SAMD5: variants seen among roughly 807,000 people sequenced by gnomAD.
The protein encoded by SAMD5 is sterile alpha motif domain containing 5, also known as sterile alpha motif domain-containing protein 5.
In SAMD5, 13 loss-of-function variants were observed where a neutral mutation model predicts 11.3. That is an observed-to-expected ratio of 1.15 (90% CI 0.75 to 1.83). SAMD5 has a LOEUF of 1.83. Ranked by LOEUF, SAMD5 falls within the 40% of genes most tolerant of loss-of-function variation. The pLI is 0.00. For missense variants in SAMD5, 255 were observed against 239.1 expected (o/e 1.07, Z -0.44); for synonymous variants, 129 against 111.3 (o/e 1.16, Z -1.00).
At chr6:147,518,261 A>C (rs1438131480) in intron 1 of SAMD5, among the ~76,000 whole-genome samples, 3 of 152,034 alleles carry the variant, frequency 2.0e-5, no homozygotes, top group Admixed American at 6.6e-5. Flanking sequence ...CTACGAAACT[A>C]CCACCTTATC....
chr6:147,865,762 A>G, the SAMD5 span, among the ~76,000 whole-genome samples: 1 of 152,180 alleles, frequency 6.6e-6, no homozygotes, highest in Non-Finnish European at 1.5e-5. Flanking sequence ...GGCAAAAGGA[A>G]AAAGAAAACT....
chr6:147,803,700 C>A, the SAMD5 span, among the ~76,000 whole-genome samples: 2 of 152,224 alleles, frequency 1.3e-5, no homozygotes, highest in Non-Finnish European at 2.9e-5. Context: ...TGTTAAGCAG[C>A]TTGCCCAAAG....
intron 1 of SAMD5, among the ~76,000 whole-genome samples, chr6:147,618,945 TGCAAAAACATA>T (rs1291135463): frequency 6.6e-6 from 1 of 152,252 alleles, no homozygotes; most frequent in Non-Finnish European, 1.5e-5. Flanking sequence ...TGGAATTCTT[TGCAAAAACATA>T]GCAAAAATGG....
chr6:147,854,661 A>G, the SAMD5 span, among the ~76,000 whole-genome samples: 1 of 152,228 alleles, frequency 6.6e-6, no homozygotes, highest in Non-Finnish European at 1.5e-5. Context: ...AGATAAAAAT[A>G]TTTGGTAAAA....
chr6:147,561,745 A>T (rs1788954206), intron 1 of SAMD5, among the ~76,000 whole-genome samples: 1 of 152,196 alleles, frequency 6.6e-6, no homozygotes, highest in South Asian at 2.1e-4. Flanking sequence ...CAAGCTTGTC[A>T]GAATTTTAAA....
chr6:147,762,932 T>TAATACTATTA, the SAMD5 span, among the ~76,000 whole-genome samples: 1 of 152,118 alleles, frequency 6.6e-6, no homozygotes, highest in Admixed American at 6.5e-5. Flanking sequence ...TATTCATTGG[T>TAATACTATTA]AGGATTTAAT....
chr6:147,684,008 C>G (rs1254659443), intron 1 of SAMD5, among the ~76,000 whole-genome samples: 2 of 152,094 alleles, frequency 1.3e-5, no homozygotes, highest in Non-Finnish European at 2.9e-5. Context: ...AAATCATGAA[C>G]ATACATCTTG....
the SAMD5 span, among the ~76,000 whole-genome samples, chr6:147,878,309 C>T: frequency 6.6e-6 from 1 of 151,766 alleles, no homozygotes; most frequent in African/African-American, 2.4e-5. Context: ...TGAGAGGGCT[C>T]TCTGGAGTCT....
At chr6:147,904,041 C>T in the SAMD5 span, among the ~76,000 whole-genome samples, 1 of 152,148 alleles carries the variant, frequency 6.6e-6, no homozygotes, top group Non-Finnish European at 1.5e-5. Flanking sequence ...TGTTGCTGTA[C>T]ATTCTCCACA....
chr6:147,940,202 A>ATT, the SAMD5 span, among the ~76,000 whole-genome samples: 500 of 133,178 alleles, frequency 3.8e-3, 5 homozygotes, highest in Non-Finnish European at 5.9e-3. Flanking sequence ...GGCAGAATTC[A>ATT]TTTTTTTTTT....
chr6:147,568,529 G>A lies in SAMD5; in HGVS notation c.*4073G>A, dbSNP rs1789080351. 2 of 985,240 alleles carry A rather than the reference G, an allele frequency of 2.0e-6. No homozygotes were observed. The highest frequency in any genetic ancestry group is 1.2e-4 in the Admixed American group (2 of 16,260). The allele number at this position is 985,240 out of a possible 1,614,324, so 61.0% of individuals were successfully genotyped here. On this transcript the variant is annotated 3_prime_UTR_variant, in exon 2 of 2. Coordinates refer to ENST00000367474, the MANE Select transcript of SAMD5 (RefSeq NM_001030060.3). ...CATCTAGGGAAAATAAGAGAAATAA[G>A]TGAAAGTCTGACCCTACATTGCCAA...
At chr6:147,824,283 G>C in the SAMD5 span, among the ~76,000 whole-genome samples, 1 of 152,276 alleles carries the variant, frequency 6.6e-6, no homozygotes, top group South Asian at 2.1e-4. Flanking sequence ...TTTGATAACT[G>C]TGGTCACATT....
the SAMD5 span, among the ~76,000 whole-genome samples, chr6:147,794,337 C>A: frequency 2.0e-5 from 3 of 152,154 alleles, no homozygotes; most frequent in Admixed American, 6.6e-5. Flanking sequence ...TTACAGTTAA[C>A]CCATTTTCTC....
At chr6:147,851,719 A>G in the SAMD5 span, among the ~76,000 whole-genome samples, 1 of 152,158 alleles carries the variant, frequency 6.6e-6, no homozygotes, top group Admixed American at 6.5e-5. Flanking sequence ...AAATTTTGAG[A>G]ATATATTTAC....
At chr6:147,623,032 A>G (rs775384223) in intron 1 of SAMD5, among the ~76,000 whole-genome samples, 3 of 152,206 alleles carry the variant, frequency 2.0e-5, no homozygotes, top group Non-Finnish European at 4.4e-5. Flanking sequence ...CTCCCACAAC[A>G]CATGGGAATT....
At chr6:147,859,357 G>A in the SAMD5 span, among the ~76,000 whole-genome samples, 8 of 152,206 alleles carry the variant, frequency 5.3e-5, no homozygotes, top group Admixed American at 3.3e-4. Flanking sequence ...AAGAACAAAG[G>A]CAAACAAAAC....
rs1031095119 is a variant in SAMD5 at position 147,568,481 on chromosome 6, A to T, written c.*4025A>T. Reference sequence around the variant, plus strand: ...GGAAGTTCTGAATTTCAAGGCAAATAAGGCATGAAGGGTGGAACATTGCAT... The same window carrying T: ...GGAAGTTCTGAATTTCAAGGCAAATTAGGCATGAAGGGTGGAACATTGCAT... On this transcript the variant is annotated 3_prime_UTR_variant, in exon 2 of 2. Coordinates refer to ENST00000367474, the MANE Select transcript of SAMD5 (RefSeq NM_001030060.3). 1.0e-6 allele frequency: 1 copy of T among 985,316 alleles called. No homozygotes were observed. Among genetic ancestry groups the T allele is most frequent in the Non-Finnish European group, 1.2e-6 (1 of 829,904 alleles). The allele number at this position is 985,316 out of a possible 1,614,324, so 61.0% of individuals were successfully genotyped here.
At chr6:147,678,000 C>G (rs1208535272) in intron 1 of SAMD5, among the ~76,000 whole-genome samples, 1 of 152,090 alleles carries the variant, frequency 6.6e-6, no homozygotes, top group African/African-American at 2.4e-5. Flanking sequence ...CTCATCCTAC[C>G]TCTTTGGTTA....
the SAMD5 span, among the ~76,000 whole-genome samples, chr6:147,802,051 C>G: frequency 2.0e-5 from 3 of 152,176 alleles, no homozygotes; most frequent in East Asian, 5.8e-4. Flanking sequence ...CAGGAAAAAA[C>G]TGATAAACTA....
Sources: gnomAD v4.1 joint callset for allele counts (sites outside exome capture counted in the v4.1 genomes callset) on GRCh38, gnomAD v4.1.1 for gene constraint, MANE v1.5 for transcripts, NCBI Gene and HGNC (gene_info 2026-07-23, HGNC 2026-07-21) for gene names.